PRKN: variants seen among roughly 807,000 people sequenced by gnomAD.
PRKN encodes the protein E3 ubiquitin-protein ligase parkin.
In PRKN, 56 loss-of-function variants were observed where a neutral mutation model predicts 59.5. That is an observed-to-expected ratio of 0.94 (90% CI 0.76 to 1.18). The LOEUF is 1.18. Ranked by LOEUF, PRKN falls within the 50% of genes most tolerant of loss-of-function variation. The pLI is 0.00. For missense variants in PRKN, 657 were observed against 596.4 expected (o/e 1.10, Z -1.06); for synonymous variants, 250 against 222.1 (o/e 1.13, Z -1.12).
intron 6 of PRKN, among the ~76,000 whole-genome samples, chr6:161,813,677 C>T (rs756952388): frequency 6.6e-6 from 1 of 152,190 alleles, no homozygotes; most frequent in South Asian, 2.1e-4. Flanking sequence ...CCACAAGGCT[C>T]CCCTGATCTC....
intron 6 of PRKN, among the ~76,000 whole-genome samples, chr6:161,946,171 GT>G (rs1954821812): frequency 6.6e-6 from 1 of 152,000 alleles, no homozygotes. Flanking sequence ...AATATGCTTA[GT>G]ATTTCAATAA....
chr6:162,256,825 C>A (rs2128098259), intron 3 of PRKN, among the ~76,000 whole-genome samples: 1 of 152,178 alleles, frequency 6.6e-6, no homozygotes, highest in East Asian at 1.9e-4. Context: ...CTTGAAATCA[C>A]AATATGACCT....
chr6:161,947,660 A>C (rs1014235706), intron 6 of PRKN, among the ~76,000 whole-genome samples: 2 of 152,218 alleles, frequency 1.3e-5, no homozygotes, highest in African/African-American at 4.8e-5. Context: ...GCAAGAAAGA[A>C]AGTTCCTTTC....
At chr6:162,714,991 C>G (rs900255162) in intron 1 of PRKN, among the ~76,000 whole-genome samples, 1 of 152,196 alleles carries the variant, frequency 6.6e-6, no homozygotes, top group Non-Finnish European at 1.5e-5. Flanking sequence ...AAGTCATCGT[C>G]CTTGTGCTAG....
intron 1 of PRKN, among the ~76,000 whole-genome samples, chr6:162,709,034 G>A (rs900274292): frequency 6.6e-6 from 1 of 152,122 alleles, no homozygotes; most frequent in Admixed American, 6.5e-5. Flanking sequence ...GCATGTGAGG[G>A]ATCTAGGCTG....
chr6:162,174,797 T>A (rs568029216), intron 4 of PRKN, among the ~76,000 whole-genome samples: 22 of 152,322 alleles, frequency 1.4e-4, no homozygotes, highest in African/African-American at 5.1e-4. Flanking sequence ...GTTTTACAAA[T>A]TGAATCTTCC....
intron 1 of PRKN, among the ~76,000 whole-genome samples, chr6:162,574,142 C>T (rs537601223): frequency 6.6e-6 from 1 of 152,094 alleles, no homozygotes; most frequent in Non-Finnish European, 1.5e-5. Context: ...CCCTCTGAGG[C>T]CATCTCTGGA....
rs1787005201 is a variant in PRKN, at chr6:161,716,886, C to T, written c.871+68886G>A. ...AGAAACAATAAGCAACAGGGAACCA[C>T]TTGGAGTTCTTGAGCGAGGGAAAGA... On this transcript the variant is annotated intron_variant, in intron 7 of 11. Transcript: ENST00000366898. 2.0e-5 allele frequency among the ~76,000 whole-genome samples: 3 copies of T among 152,178 alleles called. No individual in the cohort carries two copies. In the South Asian group the frequency reaches 6.2e-4, roughly 31 times the overall value.
intron 1 of PRKN, among the ~76,000 whole-genome samples, chr6:162,574,114 G>T (rs531796981): frequency 4.6e-5 from 7 of 152,274 alleles, no homozygotes; most frequent in African/African-American, 1.7e-4. Context: ...TCTCAACAGT[G>T]GCGGGGCTGC....
intron 1 of PRKN, among the ~76,000 whole-genome samples, chr6:162,443,779 G>C (rs1365458129): frequency 6.6e-6 from 1 of 152,158 alleles, no homozygotes. Context: ...GATTGGAATT[G>C]AAAGAGTCCC....
rs11377179 is a variant in PRKN at position 162,237,792 on chromosome 6, T to TAA, written c.412+24731_412+24732dup. The stretch of plus-strand genomic sequence containing the variant: ...GATATTTTAATATCAGATATTTGGT[T>TAA]AAAAAAAAAAAAGTGAGGTAGGAGG... On this transcript the variant is annotated intron_variant, in intron 3 of 11. Coordinates refer to ENST00000366898, the MANE Select transcript of PRKN (RefSeq NM_004562.3). Among the ~76,000 whole-genome samples, 9 of 146,098 alleles carry TAA rather than the reference T, an allele frequency of 6.2e-5. No individual in the cohort carries two copies. The East Asian group carries it at 9.9e-4, about 16-fold the overall frequency.
chr6:162,068,803 T>A (rs1033716996), intron 4 of PRKN, among the ~76,000 whole-genome samples: 1 of 122,790 alleles, frequency 8.1e-6, no homozygotes, highest in Non-Finnish European at 1.6e-5. Flanking sequence ...CAATTTCACA[T>A]GAGCATGTAC....
At chr6:162,555,859 T>C (rs931008002) in intron 1 of PRKN, among the ~76,000 whole-genome samples, 2 of 151,398 alleles carry the variant, frequency 1.3e-5, no homozygotes, top group African/African-American at 4.9e-5. Context: ...GGTGTGGTGG[T>C]GTATGCCTGT....
chr6:162,380,288 A>G (rs1311941495), intron 2 of PRKN, among the ~76,000 whole-genome samples: 1 of 151,724 alleles, frequency 6.6e-6, no homozygotes, highest in Non-Finnish European at 1.5e-5. Flanking sequence ...GAGATTTCTC[A>G]AAGGAACACA....
intron 1 of PRKN, among the ~76,000 whole-genome samples, chr6:162,602,100 C>T (rs1179466663): frequency 2.0e-5 from 3 of 152,184 alleles, no homozygotes; most frequent in Non-Finnish European, 2.9e-5. Context: ...AATGCTAGGA[C>T]GGGTATCCCC....
intron 2 of PRKN, among the ~76,000 whole-genome samples, chr6:162,323,312 AC>A (rs1037660757): frequency 1.3e-4 from 19 of 151,966 alleles, no homozygotes; most frequent in Admixed American, 6.6e-4. Context: ...ATAGAAAAAA[AC>A]ATAAGAGAAA....
intron 7 of PRKN, among the ~76,000 whole-genome samples, chr6:161,777,797 T>C (rs963241085): frequency 7.4e-6 from 1 of 135,402 alleles, no homozygotes; most frequent in African/African-American, 3.3e-5. Context: ...ATATATGATA[T>C]ATGTATATAT....
intron 1 of PRKN, among the ~76,000 whole-genome samples, chr6:162,713,008 A>G (rs1373153620): frequency 6.6e-6 from 1 of 152,224 alleles, no homozygotes; most frequent in Non-Finnish European, 1.5e-5. Context: ...TACTAAGTAT[A>G]TGAGATGCTG....
At chr6:162,431,528 A>G (rs1449431715) in intron 2 of PRKN, among the ~76,000 whole-genome samples, 1 of 152,174 alleles carries the variant, frequency 6.6e-6, no homozygotes, top group East Asian at 1.9e-4. Context: ...ACTGCACTCC[A>G]GCCTGGGCTA....
Sources: allele counts gnomAD v4.1 joint callset (sites outside exome capture counted in the v4.1 genomes callset), GRCh38; gene constraint gnomAD v4.1.1; transcripts MANE v1.5; gene names NCBI Gene and HGNC (gene_info 2026-07-23, HGNC 2026-07-21).